RIMKLB: variants seen among roughly 807,000 people sequenced by gnomAD.
RIMKLB encodes beta-citrylglutamate synthase B.
Under a neutral mutation model 32.0 loss-of-function variants are expected in RIMKLB, and 7 were observed. The ratio of observed to expected loss-of-function variants is 0.22; its 90% CI spans 0.12 to 0.41. RIMKLB has a LOEUF of 0.41. Among genes scored for constraint, RIMKLB ranks in the 10% least tolerant of loss-of-function variants. The pLI is 1.00. For missense variants in RIMKLB, 289 were observed against 498.7 expected, an observed-to-expected ratio of 0.58 and a Z score of 4.00; for synonymous variants, 172 against 185.1, an observed-to-expected ratio of 0.93 and a Z score of 0.57.
intron 2 of RIMKLB, among the ~76,000 whole-genome samples, chr12:8,726,779 A>C (rs1174233445): frequency 6.6e-6 from 1 of 151,796 alleles, no homozygotes; most frequent in Non-Finnish European, 1.5e-5. Flanking sequence ...TCTGTATTTT[A>C]ATTGGAATAT....
At chr12:8,731,047 A>G (rs896264813) in intron 2 of RIMKLB, among the ~76,000 whole-genome samples, 1 of 151,198 alleles carries the variant, frequency 6.6e-6, no homozygotes, top group Non-Finnish European at 1.5e-5. Flanking sequence ...GCCTCAATGC[A>G]GCTTTCTTGA....
intron 2 of RIMKLB, among the ~76,000 whole-genome samples, chr12:8,732,313 G>T (rs1333438805): frequency 6.6e-6 from 1 of 151,938 alleles, no homozygotes; most frequent in Non-Finnish European, 1.5e-5. Context: ...TATCTCATTT[G>T]GAGCACTTTT....
intron 2 of RIMKLB, among the ~76,000 whole-genome samples, chr12:8,736,119 G>A (rs1946981247): frequency 6.6e-6 from 1 of 152,138 alleles, no homozygotes; most frequent in Non-Finnish European, 1.5e-5. Flanking sequence ...TCCTCACATG[G>A]TAGTGTTTTC....
In RIMKLB at chr12:8,757,475, A is replaced by AAAAAAAATAAAAAAAAT. The variant is rs1362757936; in HGVS notation, c.697+3389_697+3390insTAAAAAAAATAAAAAAA. On this transcript the variant is annotated intron_variant, in intron 5 of 5. Transcript: ENST00000535829. ...GACACAGCAAGACCCTGTCTCAAAA[A>AAAAAAAATAAAAAAAAT]AAAAAAAAAAAAAAGTTGTTTTGAG... Among the ~76,000 whole-genome samples the AAAAAAAATAAAAAAAAT allele has an allele frequency of 1.7e-4, 26 of 150,684 alleles. 1 individual carries two copies. The highest frequency in any genetic ancestry group is 6.2e-4 in the African/African-American group (25 of 40,334).
intron 2 of RIMKLB, among the ~76,000 whole-genome samples, chr12:8,731,753 C>G (rs1233130851): frequency 1.3e-5 from 2 of 151,908 alleles, no homozygotes; most frequent in Admixed American, 1.3e-4. Flanking sequence ...TCTGATATTC[C>G]TCTTGGATAC....
chr12:8,754,093 G>A lies in RIMKLB; in HGVS notation c.697G>A (p.Gly233Ser). The stretch of plus-strand genomic sequence containing the variant: ...GAGAATGCAAAGCAACTGCTCATTA[G>A]GTAAAAATAATGCAATTATCTTTCT... ...DGRMQSNCSL[G>S]GVGMMCSLSE... is the part of the protein sequence containing the mutation. Residue 233 changes from glycine (G) to serine (S), a missense_variant and splice_region_variant, in exon 5 of 6, where the codon GGT becomes AGT. This residue lies in a region of RIMKLB where 156 missense variants were observed against 329.5 expected (regional missense o/e 0.47). Transcript: ENST00000535829. The A allele has an allele frequency of 6.2e-7, 1 of 1,607,248 alleles. No homozygotes were observed. The highest frequency in any genetic ancestry group is 8.5e-7 in the Non-Finnish European group (1 of 1,173,836).
upstream of RIMKLB, among the ~76,000 whole-genome samples, chr12:8,696,366 C>G (rs903190942): frequency 6.6e-6 from 1 of 152,126 alleles, no homozygotes; most frequent in Non-Finnish European, 1.5e-5. Context: ...CCTTTGTTCT[C>G]AAGATAGTGT....
Position 8,774,813 on chromosome 12 carries a change from T to C in RIMKLB, c.*1029T>C, listed in dbSNP as rs1036069140. 1 of 985,664 alleles carries C rather than the reference T, an allele frequency of 1.0e-6. No individual in the cohort carries two copies. Among genetic ancestry groups the C allele is most frequent in the Non-Finnish European group, 1.2e-6 (1 of 829,918 alleles). The allele number at this position is 985,664 out of a possible 1,614,324, so 61.1% of individuals were successfully genotyped here. A position where few individuals can be genotyped will look rare whatever the true frequency, so the allele number is the denominator to read the frequency against. On this transcript the variant is annotated 3_prime_UTR_variant, in exon 6 of 6. Transcript: ENST00000535829. ...AGCCTATGAGTTCTAAGTATAAAGC[T>C]GAAGTGATTTCGAATGCCAGCGTTA...
intron 5 of RIMKLB, among the ~76,000 whole-genome samples, chr12:8,769,348 A>C (rs1950224759): frequency 6.6e-6 from 1 of 152,114 alleles, no homozygotes; most frequent in Admixed American, 6.5e-5. Flanking sequence ...AAAGGAAAAA[A>C]TGTATATATG....
chr12:8,709,903 C>T (rs1270133032), intron 1 of RIMKLB, among the ~76,000 whole-genome samples: 2 of 151,906 alleles, frequency 1.3e-5, no homozygotes, highest in Non-Finnish European at 2.9e-5. Flanking sequence ...TTCAGGCATC[C>T]ACTGGGGGTC....
upstream of RIMKLB, among the ~76,000 whole-genome samples, chr12:8,677,823 G>A (rs1174945410): frequency 4.0e-5 from 6 of 151,304 alleles, no homozygotes; most frequent in East Asian, 7.7e-4. Flanking sequence ...CACAGTCTCG[G>A]CTCACTGGAA....
At chr12:8,672,664 G>A in the RIMKLB span, among the ~76,000 whole-genome samples, 1 of 151,976 alleles carries the variant, frequency 6.6e-6, no homozygotes, top group Non-Finnish European at 1.5e-5. Flanking sequence ...GGGAATTCTG[G>A]AAGATGCAAT....
In RIMKLB at chr12:8,776,109, A is replaced by G; in HGVS notation, c.*2325A>G. ...CTTTGAATAGTTACATATCACAAGTATGTAGTTCATGTTTGTGTTGGTGGG... is the reference window on the plus strand; with the variant it reads ...CTTTGAATAGTTACATATCACAAGTGTGTAGTTCATGTTTGTGTTGGTGGG... On this transcript the variant is annotated 3_prime_UTR_variant, in exon 6 of 6. Coordinates refer to ENST00000535829, the MANE Select transcript of RIMKLB (RefSeq NM_001297776.2). 4.1e-6 allele frequency: 4 copies of G among 985,190 alleles called. No homozygotes were observed. Among genetic ancestry groups the G allele is most frequent in the Non-Finnish European group, 4.8e-6 (4 of 829,686 alleles). The allele number at this position is 985,190 out of a possible 1,614,324, so 61.0% of individuals were successfully genotyped here. A position where few individuals can be genotyped will look rare whatever the true frequency, so the allele number is the denominator to read the frequency against.
At chr12:8,721,853 C>T (rs905767257) in intron 2 of RIMKLB, among the ~76,000 whole-genome samples, 6 of 152,136 alleles carry the variant, frequency 3.9e-5, no homozygotes, top group Non-Finnish European at 7.4e-5. Flanking sequence ...AAGCGATTCT[C>T]CTGCCTCACT....
chr12:8,713,443 C>T (rs1454302355), intron 1 of RIMKLB, among the ~76,000 whole-genome samples: 1 of 152,016 alleles, frequency 6.6e-6, no homozygotes, highest in Non-Finnish European at 1.5e-5. Flanking sequence ...CATTTCATAT[C>T]AAGAACAGAA....
chr12:8,686,912 T>C (rs772653366), intron 1 of RIMKLB, among the ~76,000 whole-genome samples: 12 of 152,236 alleles, frequency 7.9e-5, no homozygotes, highest in Non-Finnish European at 7.3e-5. Flanking sequence ...TGAACTTTAG[T>C]GCATCAGAAT....
chr12:8,670,612 G>A, the RIMKLB span, among the ~76,000 whole-genome samples: 1 of 152,216 alleles, frequency 6.6e-6, no homozygotes, highest in Non-Finnish European at 1.5e-5. Context: ...TTCACAGGCT[G>A]GTGTTGAGTG....
intron 5 of RIMKLB, among the ~76,000 whole-genome samples, chr12:8,762,665 G>A (rs1949627713): frequency 6.6e-6 from 1 of 152,160 alleles, no homozygotes; most frequent in African/African-American, 2.4e-5. Flanking sequence ...ATTAGTGTCT[G>A]TATATATATT....
At chr12:8,706,750 G>A (rs1943919016) in intron 1 of RIMKLB, among the ~76,000 whole-genome samples, 1 of 152,138 alleles carries the variant, frequency 6.6e-6, no homozygotes, top group Non-Finnish European at 1.5e-5. Context: ...CACCATGCCT[G>A]TCCTTTTTTT....
Sources: allele counts gnomAD v4.1 joint callset (sites outside exome capture counted in the v4.1 genomes callset), GRCh38; gene constraint gnomAD v4.1.1; regional missense constraint gnomAD v4.1.1; transcripts MANE v1.5; gene names NCBI Gene and HGNC (gene_info 2026-07-23, HGNC 2026-07-21).